Variants in GTPBP1 observed in about 807,000 individuals in gnomAD.
GTPBP1 encodes the protein GTP-binding protein 1.
A neutral mutation model predicts 62.0 loss-of-function variants in GTPBP1; 23 were observed. The observed-to-expected ratio is 0.37, with a 90% CI of 0.27 to 0.53. GTPBP1 has a LOEUF of 0.53. GTPBP1 is among the 20% of genes least tolerant of loss of function. GTPBP1 has a pLI of 0.89. For synonymous variants in GTPBP1, 344 were observed against 364.4 expected (o/e 0.94, Z 0.64); for missense variants, 640 against 917.3 (o/e 0.70, Z 3.90).
chr22:38,720,374 C>T (rs1352619574), intron 4 of GTPBP1, among the ~76,000 whole-genome samples: 1 of 150,072 alleles, frequency 6.7e-6, no homozygotes, highest in Non-Finnish European at 1.5e-5. Flanking sequence ...CAACTGCCAC[C>T]ACATGCAGCT....
At chr22:38,739,901 G>C (rs766680217), downstream of GTPBP1, 8 of 1,612,732 alleles carry the variant, frequency 5.0e-6, no homozygotes, top group African/African-American at 4.0e-5. The surrounding 1 kb of genome is among the most constrained non-coding windows in gnomAD (Gnocchi z 6.7). Flanking sequence ...CCTCCACCTC[G>C]GGCAAGGAAC....
At chr22:38,723,017 A>G in intron 5 of GTPBP1, 1 of 816,624 alleles carries the variant, frequency 1.2e-6, no homozygotes, top group Non-Finnish European at 2.2e-6. Flanking sequence ...AAGTTTGCTC[A>G]AATCTGACAA....
intron 4 of GTPBP1, among the ~76,000 whole-genome samples, chr22:38,717,660 G>T (rs2092678361): frequency 6.6e-6 from 1 of 152,254 alleles, no homozygotes. Flanking sequence ...TGTTTAAGCA[G>T]CTCATCTAAT....
Position 38,716,840 on chromosome 22 carries a change from T to C in GTPBP1, c.674T>C (p.Val225Ala). ...ILGFDSEGNV[V>A]NKPDSHGGSL... ...GGCTTTGACAGTGAAGGCAATGTAGTGAACAAGCCTGACAGCCACGGCGGC... is the reference window on the plus strand; with the variant it reads ...GGCTTTGACAGTGAAGGCAATGTAGCGAACAAGCCTGACAGCCACGGCGGC... Residue 225 changes from valine (V) to alanine (A), a missense_variant, in exon 4 of 12, where the codon GTG (valine) becomes GCG (alanine). By Grantham distance (64) the Val-to-Ala change is moderately conservative (BLOSUM62 0). Around this residue, in one of 4 missense-constraint regions of GTPBP1, gnomAD observed 88 missense variants for 217.0 expected, o/e 0.41. Transcript: ENST00000216044. The surrounding 1 kb of genome is among the most constrained non-coding windows in gnomAD (Gnocchi z 5.2). 1 of 1,614,170 alleles carries C rather than the reference T, an allele frequency of 6.2e-7. No individual in the cohort carries two copies.
chr22:38,741,195 C>G (rs2092854481), downstream of GTPBP1: 2 of 911,496 alleles, frequency 2.2e-6, no homozygotes, highest in Admixed American at 4.1e-5. Flanking sequence ...TCAAACTGGC[C>G]TCCTTGTCAA....
downstream of GTPBP1, chr22:38,738,200 G>A (rs2092823875): frequency 1.2e-6 from 2 of 1,613,924 alleles, no homozygotes; most frequent in Middle Eastern, 1.6e-4. The surrounding 1 kb of genome is among the most constrained non-coding windows in gnomAD (Gnocchi z 6.6). Flanking sequence ...GAATAGGCTC[G>A]CCGTCCTGAT....
At chr22:38,739,424 C>T, downstream of GTPBP1, 7 of 1,612,976 alleles carry the variant, frequency 4.3e-6, no homozygotes, top group Non-Finnish European at 5.9e-6. This position sits in a 1 kb window ranked among gnomAD's most constrained non-coding sequence, Gnocchi z 6.7. Flanking sequence ...TGTGGTGCAC[C>T]TGCTGCAATG....
At chr22:38,734,234 T>C, downstream of GTPBP1, 1 of 453,714 alleles carries the variant, frequency 2.2e-6, no homozygotes, top group South Asian at 1.6e-5. Flanking sequence ...GCGAACCAGG[T>C]CTGGGGAGCT....
chr22:38,736,606 G>A (rs937316153), downstream of GTPBP1: 12 of 387,938 alleles, frequency 3.1e-5, no homozygotes, highest in Admixed American at 3.0e-4. Context: ...ATCTGAAACC[G>A]GAATGAATTC....
At position 38,706,219 on chromosome 22, in the gene GTPBP1, G is replaced by T. The variant is rs1459280969; in HGVS notation, c.192+72G>T. The T allele has an allele frequency of 4.0e-6, 4 of 1,001,136 alleles. No individual in the cohort carries two copies. In the Admixed American group the frequency reaches 1.3e-4, roughly 33 times the overall value. The allele number at this position is 1,001,136 out of a possible 1,614,324, so 62.0% of individuals were successfully genotyped here. A position where few individuals can be genotyped will look rare whatever the true frequency, so the allele number is the denominator to read the frequency against. ...GCCGAGCAGTCTCCCGGGCGACGGC[G>T]GGGCCAGCGGCCGCCCTGTCCGCGG... is the stretch of plus-strand genomic sequence containing the variant. On this transcript the variant is annotated intron_variant, in intron 1 of 11. Transcript: ENST00000216044.
chr22:38,715,979 A>G lies in GTPBP1; in HGVS notation c.377A>G (p.Gln126Arg). Residue 126 changes from glutamine (Q) to arginine (R), a missense_variant, in exon 3 of 12, where the codon CAG (glutamine) becomes CGG (arginine). Transcript: ENST00000216044. ...GCCACAGTGAAGAGCATGGCGGAAC[A>G]GATAGAGGCCGATGTCATCCTTCTG... ...SYATVKSMAE[Q>R]IEADVILLRE... 1 of 1,614,118 alleles carries G rather than the reference A, an allele frequency of 6.2e-7. No individual in the cohort carries two copies. The highest frequency in any genetic ancestry group is 1.1e-5 in the South Asian group (1 of 91,082).
At position 38,732,272 on chromosome 22, in the gene GTPBP1, G is replaced by A. The variant is rs757260496; in HGVS notation, c.*1568G>A. On this transcript the variant is annotated 3_prime_UTR_variant, in exon 12 of 12. Coordinates refer to ENST00000216044, the MANE Select transcript of GTPBP1 (RefSeq NM_004286.5). ...GGTGCTCCCTGCCCAGCCCCTCCAG[G>A]TGGAGGTGCTGCCACGGGAACGCAG... The A allele has an allele frequency of 1.3e-5, 2 of 152,754 alleles. No homozygotes were observed. The highest frequency in any genetic ancestry group is 2.4e-5 in the African/African-American group (1 of 41,456). The allele number at this position is 152,754 out of a possible 1,614,324, so 9.5% of individuals were successfully genotyped here. A position where few individuals can be genotyped will look rare whatever the true frequency, so the allele number is the denominator to read the frequency against.
intron 4 of GTPBP1, among the ~76,000 whole-genome samples, chr22:38,717,696 A>C (rs955737116): frequency 6.6e-6 from 1 of 152,254 alleles, no homozygotes; most frequent in African/African-American, 2.4e-5. Context: ...GAAAGGGAGC[A>C]GAGGGCTCTG....
At position 38,732,019 on chromosome 22, in the gene GTPBP1, C is replaced by G. The variant is rs1455889282; in HGVS notation, c.*1315C>G. 1 of 152,700 alleles carries G rather than the reference C, an allele frequency of 6.5e-6. No individual in the cohort carries two copies. The highest frequency in any genetic ancestry group is 1.5e-5 in the Non-Finnish European group (1 of 68,414). The allele number at this position is 152,700 out of a possible 1,614,324, so 9.5% of individuals were successfully genotyped here. A position where few individuals can be genotyped will look rare whatever the true frequency, so the allele number is the denominator to read the frequency against. On this transcript the variant is annotated 3_prime_UTR_variant, in exon 12 of 12. Coordinates refer to ENST00000216044, the MANE Select transcript of GTPBP1 (RefSeq NM_004286.5). Reference sequence around the variant, plus strand: ...ACTGAAGCCACAGATGGAGGGTAGGCTGGTGGGTGGGGGTGGTTCGTTCTC... The same window carrying G: ...ACTGAAGCCACAGATGGAGGGTAGGGTGGTGGGTGGGGGTGGTTCGTTCTC...
intron 2 of GTPBP1, among the ~76,000 whole-genome samples, chr22:38,709,516 G>A (rs924006465): frequency 1.3e-5 from 2 of 152,120 alleles, no homozygotes; most frequent in African/African-American, 2.4e-5. Flanking sequence ...ATTTGCATAA[G>A]AGGAAATGAA....
Position 38,731,941 on chromosome 22 carries a change from G to C in GTPBP1, c.*1237G>C, listed in dbSNP as rs1438504112. ...AAGAACCCCTGCCTGGGGTGGGACT[G>C]TGCAGGCCAGAGAAGGTGGCATGGG... On this transcript the variant is annotated 3_prime_UTR_variant, in exon 12 of 12. Coordinates refer to ENST00000216044, the MANE Select transcript of GTPBP1 (RefSeq NM_004286.5). The C allele has an allele frequency of 6.6e-6, 1 of 152,472 alleles. No homozygotes were observed. Among genetic ancestry groups the C allele is most frequent in the Non-Finnish European group, 1.5e-5 (1 of 68,240 alleles). 9.4% of individuals were successfully genotyped at this position (152,472 alleles called of 1,614,324 possible).
downstream of GTPBP1, chr22:38,739,830 GCT>G (rs749877284): frequency 6.2e-7 from 1 of 1,613,596 alleles, no homozygotes; most frequent in South Asian, 1.1e-5. The surrounding 1 kb of genome is among the most constrained non-coding windows in gnomAD (Gnocchi z 6.7). Flanking sequence ...TGAGGATCTT[GCT>G]CTCCAGCTCT....
rs1184946347 is a variant in GTPBP1, at chr22:38,726,686, G to A, written c.1401+246G>A. Among the ~76,000 whole-genome samples the A allele has an allele frequency of 6.6e-6, 1 of 152,156 alleles. No individual in the cohort carries two copies. Among genetic ancestry groups the A allele is most frequent in the Non-Finnish European group, 1.5e-5 (1 of 68,016 alleles). ...GTTCCTCCCTCTGGTGCCTGAGCAG[G>A]GTGGCCTGAGCTCAGTGGTGAGGTC... On this transcript the variant is annotated intron_variant, in intron 8 of 11. Transcript: ENST00000216044. The surrounding 1 kb of genome is among the most constrained non-coding windows in gnomAD (Gnocchi z 4.1).
In GTPBP1 at chr22:38,708,967, T is replaced by A; in HGVS notation, c.304+11T>A. On this transcript the variant is annotated intron_variant, in intron 2 of 11. Transcript: ENST00000216044. ...TTGGGCAGGGATCAGGTGAGCATAG[T>A]TTTCCTTTCACTTTATTTTTAAAAA... 8.9e-6 allele frequency: 13 copies of A among 1,464,386 alleles called. No individual in the cohort carries two copies. The highest frequency in any genetic ancestry group is 1.2e-5 in the Non-Finnish European group (12 of 1,043,082). The allele number at this position is 1,464,386 out of a possible 1,614,324, so 90.7% of individuals were successfully genotyped here.
Sources: allele counts gnomAD v4.1 joint callset (sites outside exome capture counted in the v4.1 genomes callset), GRCh38; gene constraint gnomAD v4.1.1; regional missense constraint gnomAD v4.1.1; non-coding constraint Gnocchi (gnomAD v3.1); transcripts MANE v1.5; gene names NCBI Gene and HGNC (gene_info 2026-07-23, HGNC 2026-07-21).